ADH5: variants seen among roughly 807,000 people sequenced by gnomAD.
ADH5 encodes alcohol dehydrogenase 5 (class III), chi polypeptide.
In ADH5, 32 loss-of-function variants were observed where a neutral mutation model predicts 40.3. The observed-to-expected ratio is 0.79, with a 90% CI of 0.60 to 1.07. The LOEUF (loss-of-function observed/expected upper bound fraction) is 1.07, where lower values mean the gene tolerates loss of function less well. Ranked by LOEUF, ADH5 falls within the 50% of genes least tolerant of loss-of-function variation. The probability of loss-of-function intolerance (pLI) is 0.00; values close to 1 mark genes in which losing one functional copy is unlikely to be tolerated. For missense variants in ADH5, 353 were observed against 460.5 expected (o/e 0.77, Z 2.14); for synonymous variants, 125 against 154.3 (o/e 0.81, Z 1.41).
At chr4:99,080,962 G>A (rs1430979882) in intron 4 of ADH5, among the ~76,000 whole-genome samples, 1 of 152,200 alleles carries the variant, frequency 6.6e-6, no homozygotes, top group Non-Finnish European at 1.5e-5. Flanking sequence ...TTAACTGCCT[G>A]TTTTTCTGTG....
intron 7 of ADH5, among the ~76,000 whole-genome samples, chr4:99,074,429 C>T (rs1251981440): frequency 6.6e-6 from 1 of 152,066 alleles, no homozygotes; most frequent in Non-Finnish European, 1.5e-5. Context: ...AAGGCTTTGT[C>T]CAATTAAATA....
intron 3 of ADH5, 84 bp from the exon 4 acceptor site, chr4:99,081,536 G>T (rs1728024563): frequency 9.9e-7 from 1 of 1,008,238 alleles, no homozygotes; most frequent in Non-Finnish European, 1.5e-6. Flanking sequence ...CCTGTCAACG[G>T]ATGTGGCTTT....
intron 4 of ADH5, among the ~76,000 whole-genome samples, chr4:99,077,931 A>G (rs1180190403): frequency 6.6e-6 from 1 of 152,234 alleles, no homozygotes; most frequent in Non-Finnish European, 1.5e-5. Context: ...TCATTTTCTC[A>G]CTAGAAAATG....
intron 7 of ADH5, among the ~76,000 whole-genome samples, chr4:99,074,341 G>T (rs779624687): frequency 2.6e-4 from 39 of 152,152 alleles, no homozygotes; most frequent in Non-Finnish European, 5.3e-4. Flanking sequence ...CTGTTTCCCC[G>T]CAACCCCAAA....
Position 99,072,424 on chromosome 4 carries a change from T to C in ADH5, c.1118A>G (p.Lys373Arg). ...HSGKSIRTVV[K>R]I is the part of the protein sequence containing the mutation. ...TTATTTTTCTCTTTTGAATTAAATC[T>C]TTACAACAGTTCGAATGCTGTAAAA... is the stretch of plus-strand genomic sequence containing the variant. The change falls in exon 9 of 9, where the codon AAG becomes AGG. Residue 373 changes from lysine to arginine, a missense_variant. Coordinates refer to ENST00000296412, the MANE Select transcript of ADH5 (RefSeq NM_000671.4). 1.2e-6 allele frequency: 2 copies of C among 1,613,258 alleles called. No individual in the cohort carries two copies. The highest frequency in any genetic ancestry group is 1.7e-6 in the Non-Finnish European group (2 of 1,179,428).
At chr4:99,078,104 G>A (rs1454688269) in intron 4 of ADH5, among the ~76,000 whole-genome samples, 6 of 152,102 alleles carry the variant, frequency 3.9e-5, no homozygotes, top group African/African-American at 1.4e-4. Context: ...GCCCAGGCTG[G>A]AGTGCATAGC....
At chr4:99,081,875 G>T in intron 3 of ADH5, 100 bp downstream of exon 3, 1 of 1,188,140 alleles carries the variant, frequency 8.4e-7, no homozygotes, top group Non-Finnish European at 1.2e-6. Flanking sequence ...CTACTTAGAT[G>T]ATACCTATTC....
In ADH5 at chr4:99,088,709, A is replaced by T; in HGVS notation, c.-9T>A. The T allele has an allele frequency of 6.4e-7, 1 of 1,565,944 alleles. No homozygotes were observed. The highest frequency in any genetic ancestry group is 1.1e-5 in the South Asian group (1 of 89,210). ...CCTACCTCGTTCGCCATGTTCACGG[A>T]TTCTGGTCGGCGCGGGGGGCTGACA... On this transcript the variant is annotated 5_prime_UTR_variant, in exon 1 of 9. Transcript: ENST00000296412.
In ADH5 at chr4:99,074,813, A is replaced by C. The variant is rs530332717; in HGVS notation, c.961+101T>G. On this transcript the variant is annotated intron_variant, in intron 7 of 8. Transcript: ENST00000296412. Reference sequence around the variant, plus strand: ...AACTTATAATGAGAAGGAACTCATGAAGATTCTTGTTAATATAAAAAAAAT... The same window carrying C: ...AACTTATAATGAGAAGGAACTCATGCAGATTCTTGTTAATATAAAAAAAAT... 151 of 1,338,946 alleles carry C rather than the reference A, an allele frequency of 1.1e-4. No homozygotes were observed. In the African/African-American group the frequency reaches 1.9e-3, roughly 17 times the overall value. The allele number at this position is 1,338,946 out of a possible 1,614,324, so 82.9% of individuals were successfully genotyped here.
chr4:99,077,402 G>A (rs1261573976), intron 4 of ADH5, among the ~76,000 whole-genome samples: 1 of 151,924 alleles, frequency 6.6e-6, no homozygotes, highest in Non-Finnish European at 1.5e-5. Flanking sequence ...CGTGCCTGCA[G>A]GAGGTTCACT....
chr4:99,081,776 C>A, intron 3 of ADH5, 199 bp downstream of exon 3: 1 of 684,812 alleles, frequency 1.5e-6, no homozygotes. Flanking sequence ...AGAAAAGTTT[C>A]ACAAAAACAG....
chr4:99,084,635 TTTTA>T (rs1181471997), intron 2 of ADH5, among the ~76,000 whole-genome samples: 1 of 152,234 alleles, frequency 6.6e-6, no homozygotes, highest in Non-Finnish European at 1.5e-5. Flanking sequence ...AAAGCCATTC[TTTTA>T]TTTCTTTGCT....
Position 99,076,396 on chromosome 4 carries a change from T to C in ADH5, c.721A>G (p.Ile241Val), listed in dbSNP as rs1218473201. Residue 241 changes from isoleucine (I) to valine (V), a missense_variant, in exon 6 of 9, where the codon ATT becomes GTT. Ile to Val is a conservative substitution (Grantham distance 29). Coordinates refer to ENST00000296412, the MANE Select transcript of ADH5 (RefSeq NM_000671.4). ...RAKEFGATECINPQDFSKPIQ... is the reference protein window; with the variant it reads ...RAKEFGATECVNPQDFSKPIQ... ...GGTTTACTAAAATCCTGAGGGTTAATACATTCAGTGGCTCCAAACTCTTTG... is the reference window on the plus strand; with the variant it reads ...GGTTTACTAAAATCCTGAGGGTTAACACATTCAGTGGCTCCAAACTCTTTG... 2 of 1,614,232 alleles carry C rather than the reference T, an allele frequency of 1.2e-6. No individual in the cohort carries two copies. Among genetic ancestry groups the C allele is most frequent in the Admixed American group, 1.7e-5 (1 of 60,032 alleles).
At chr4:99,081,698 C>A (rs1156730771) in intron 3 of ADH5, 5 of 548,088 alleles carry the variant, frequency 9.1e-6, no homozygotes, top group Middle Eastern at 3.7e-4. Flanking sequence ...GCTTCAAAAT[C>A]CTGCTTCATT....
At position 99,076,208 on chromosome 4, in the gene ADH5, CCAAAA is replaced by C. The variant is rs571113222; in HGVS notation, c.825+79_825+83del. ...TTCTTATTAAGAGACTTTTCCTTTG[CCAAAA>C]CAAAACAATTTTTAATCTAAAACTG... On this transcript the variant is annotated intron_variant, in intron 6 of 8. Coordinates refer to ENST00000296412, the MANE Select transcript of ADH5 (RefSeq NM_000671.4). 1.5e-4 allele frequency: 229 copies of C among 1,482,416 alleles called. 3 individuals are homozygous for C. The East Asian group carries it at 4.2e-3, about 27-fold the overall frequency. 91.8% of individuals were successfully genotyped at this position (1,482,416 alleles called of 1,614,324 possible). A position where few individuals can be genotyped will look rare whatever the true frequency, so the allele number is the denominator to read the frequency against.
At position 99,071,357 on chromosome 4, in the gene ADH5, CAGTG is replaced by C. The variant is rs1474190600; in HGVS notation, c.*1056_*1059del. On this transcript the variant is annotated 3_prime_UTR_variant, in exon 9 of 9. Transcript: ENST00000296412. ...TCTGTGATACGTCTTAGGTAACACGCAGTGAGCCCAATGCAGAAGAATGTTCCAC... is the reference window on the plus strand; with the variant it reads ...TCTGTGATACGTCTTAGGTAACACGCAGCCCAATGCAGAAGAATGTTCCAC... The C allele has an allele frequency of 3.9e-5, 6 of 152,212 alleles. No individual in the cohort carries two copies. The highest frequency in any genetic ancestry group is 1.3e-4 in the Admixed American group (2 of 15,282). The allele number at this position is 152,212 out of a possible 1,614,324, so 9.4% of individuals were successfully genotyped here.
intron 7 of ADH5, among the ~76,000 whole-genome samples, chr4:99,073,336 G>A (rs1039468237): frequency 3.3e-5 from 5 of 152,038 alleles, no homozygotes; most frequent in Admixed American, 6.5e-5. Context: ...CTGCCACCAC[G>A]CCCAGCTAAT....
At chr4:99,080,102 A>C (rs1162370715) in intron 4 of ADH5, 6 of 374,164 alleles carry the variant, frequency 1.6e-5, no homozygotes, top group Non-Finnish European at 2.1e-5. Context: ...ACAGTAAGAG[A>C]CACTCACAAC....
intron 6 of ADH5, chr4:99,075,279 G>C (rs1259730111): frequency 4.0e-6 from 1 of 251,854 alleles, no homozygotes; most frequent in Non-Finnish European, 7.3e-6. Flanking sequence ...CTGGAGTGTA[G>C]TGCATGATCC....
Sources: allele counts gnomAD v4.1 joint callset (sites outside exome capture counted in the v4.1 genomes callset), GRCh38; gene constraint gnomAD v4.1.1; transcripts MANE v1.5; gene names NCBI Gene and HGNC (gene_info 2026-07-23, HGNC 2026-07-21).